SAMD12: variants seen among roughly 807,000 people sequenced by gnomAD.
The protein encoded by SAMD12 is sterile alpha motif domain-containing protein 12.
SAMD12 carries 9 observed loss-of-function variants against 15.0 expected under a neutral mutation model. That is an observed-to-expected ratio of 0.60 (90% CI 0.36 to 1.05). SAMD12 has a LOEUF of 1.05. Ranked by LOEUF, SAMD12 falls within the 50% of genes least tolerant of loss-of-function variation. The pLI is 0.01. For synonymous variants in SAMD12, 86 were observed against 90.1 expected (o/e 0.96, Z 0.25); for missense variants, 230 against 234.2 (o/e 0.98, Z 0.12).
intron 2 of SAMD12, among the ~76,000 whole-genome samples, chr8:118,500,615 G>C (rs1049863070): frequency 1.1e-4 from 17 of 151,822 alleles, no homozygotes; most frequent in Non-Finnish European, 1.5e-5. Flanking sequence ...AGGCCAGCCC[G>C]GTTACCATAT....
chr8:118,618,472 G>A (rs1342901409), intron 1 of SAMD12, among the ~76,000 whole-genome samples: 1 of 152,128 alleles, frequency 6.6e-6, no homozygotes, highest in East Asian at 1.9e-4. Flanking sequence ...CTAAGAGAAG[G>A]GATGAGAGTA....
At chr8:118,302,818 A>T (rs1235728335) in intron 4 of SAMD12, among the ~76,000 whole-genome samples, 1 of 152,206 alleles carries the variant, frequency 6.6e-6, no homozygotes, top group East Asian at 1.9e-4. Flanking sequence ...AAGTCCAAGA[A>T]ATCAGTAAGA....
At chr8:118,275,912 T>G (rs1240450448) in intron 4 of SAMD12, among the ~76,000 whole-genome samples, 1 of 152,208 alleles carries the variant, frequency 6.6e-6, no homozygotes, top group Non-Finnish European at 1.5e-5. Context: ...GGATGCAAAG[T>G]ATTCCATGAT....
chr8:118,439,372 T>C (rs972713569), intron 3 of SAMD12, among the ~76,000 whole-genome samples: 2 of 152,190 alleles, frequency 1.3e-5, no homozygotes, highest in African/African-American at 2.4e-5. Flanking sequence ...CTTTCCACCA[T>C]GGACTCTTTC....
At chr8:118,614,834 G>GA (rs1234177238) in intron 1 of SAMD12, among the ~76,000 whole-genome samples, 2 of 152,178 alleles carry the variant, frequency 1.3e-5, no homozygotes, top group African/African-American at 2.4e-5. Context: ...CCACACTTTA[G>GA]AAAAATCAGA....
At chr8:118,205,084 C>T (rs1819824085) in intron 4 of SAMD12, among the ~76,000 whole-genome samples, 1 of 152,170 alleles carries the variant, frequency 6.6e-6, no homozygotes, top group Non-Finnish European at 1.5e-5. Flanking sequence ...CCCATTCAAT[C>T]CATCGAAGGC....
chr8:118,485,606 T>C (rs1824254343), intron 2 of SAMD12, among the ~76,000 whole-genome samples: 2 of 152,220 alleles, frequency 1.3e-5, no homozygotes, highest in Admixed American at 6.5e-5. Flanking sequence ...ATAAATTAAA[T>C]AATTTTGCCT....
intron 3 of SAMD12, among the ~76,000 whole-genome samples, chr8:118,419,368 G>A (rs550221055): frequency 1.6e-4 from 24 of 152,302 alleles, no homozygotes; most frequent in African/African-American, 5.3e-4. Flanking sequence ...GGGGTCTGAG[G>A]TTTGAAAATG....
intron 4 of SAMD12, among the ~76,000 whole-genome samples, chr8:118,348,138 G>A (rs1013517289): frequency 2.0e-5 from 3 of 152,116 alleles, no homozygotes; most frequent in Admixed American, 6.6e-5. Context: ...GTGCAACGGT[G>A]CCCTCTCGGC....
At chr8:118,453,712 G>T (rs1173281971) in intron 2 of SAMD12, among the ~76,000 whole-genome samples, 1 of 151,868 alleles carries the variant, frequency 6.6e-6, no homozygotes, top group Non-Finnish European at 1.5e-5. Context: ...TAGGGATGAG[G>T]GTCTCACTAT....
At chr8:118,434,632 C>T (rs1215795033) in intron 3 of SAMD12, among the ~76,000 whole-genome samples, 2 of 152,190 alleles carry the variant, frequency 1.3e-5, no homozygotes. Flanking sequence ...TGAGCTTACA[C>T]CTGGCCCCAG....
intron 4 of SAMD12, among the ~76,000 whole-genome samples, chr8:118,341,832 G>A (rs1256719007): frequency 6.6e-6 from 1 of 152,176 alleles, no homozygotes; most frequent in East Asian, 1.9e-4. Flanking sequence ...TAAAACAGAA[G>A]ATAAACATTT....
At chr8:118,333,735 A>G (rs1412217123) in intron 4 of SAMD12, among the ~76,000 whole-genome samples, 2 of 152,118 alleles carry the variant, frequency 1.3e-5, no homozygotes, top group East Asian at 3.9e-4. Context: ...CTCCTCTTTG[A>G]TCACTGACCT....
At chr8:118,511,422 C>T (rs1261658459) in intron 2 of SAMD12, among the ~76,000 whole-genome samples, 3 of 151,416 alleles carry the variant, frequency 2.0e-5, no homozygotes, top group African/African-American at 7.3e-5. Flanking sequence ...GGTCAATTGA[C>T]AAATTTGGAA....
At chr8:118,193,041 C>T (rs758525507) in exon 5 of SAMD12, 4 of 152,134 alleles carry the variant, frequency 2.6e-5, no homozygotes, top group Non-Finnish European at 4.4e-5. Flanking sequence ...TAAAACTAGC[C>T]CTATGCCTGA....
intron 2 of SAMD12, among the ~76,000 whole-genome samples, chr8:118,447,845 C>A (rs545810946): frequency 6.6e-6 from 1 of 151,982 alleles, no homozygotes; most frequent in South Asian, 2.1e-4. Flanking sequence ...CCTGCCTAAG[C>A]CTCCCGAGTA....
At chr8:118,261,240 A>G (rs952103814) in intron 4 of SAMD12, among the ~76,000 whole-genome samples, 1 of 152,018 alleles carries the variant, frequency 6.6e-6, no homozygotes, top group Non-Finnish European at 1.5e-5. Context: ...GTCATTTTCA[A>G]TTTTACAGAT....
chr8:118,481,782 A>G (rs970890851), intron 2 of SAMD12, among the ~76,000 whole-genome samples: 1 of 152,174 alleles, frequency 6.6e-6, no homozygotes, highest in African/African-American at 2.4e-5. Context: ...TCCATTAAAT[A>G]TAATAAAACT....
At chr8:118,162,140 G>GA in the SAMD12 span, among the ~76,000 whole-genome samples, 3 of 141,826 alleles carry the variant, frequency 2.1e-5, no homozygotes, top group Non-Finnish European at 4.6e-5. Context: ...AGCCTGGGCA[G>GA]CAGAGCAAGA....
Sources: gnomAD v4.1 joint callset for allele counts (sites outside exome capture counted in the v4.1 genomes callset) on GRCh38, gnomAD v4.1.1 for gene constraint, MANE v1.5 for transcripts, NCBI Gene and HGNC (gene_info 2026-07-23, HGNC 2026-07-21) for gene names.